Variants in SH3RF3 observed in about 807,000 individuals in gnomAD.
SH3RF3 encodes the protein SH3 domain containing ring finger 3, also known as E3 ubiquitin-protein ligase SH3RF3.
A neutral mutation model predicts 66.3 loss-of-function variants in SH3RF3; 29 were observed. The ratio of observed to expected loss-of-function variants is 0.44; its 90% confidence interval spans 0.33 to 0.60. The LOEUF (loss-of-function observed/expected upper bound fraction) is 0.60. Ranked by LOEUF, SH3RF3 falls within the 20% of genes least tolerant of loss-of-function variation. The pLI is 0.04. For synonymous variants in SH3RF3, 583 were observed against 532.0 expected, an observed-to-expected ratio of 1.10 and a Z score of -1.32; for missense variants, 1,194 against 1,190.9, an observed-to-expected ratio of 1.00 and a Z score of -0.04.
At position 109,502,203 on chromosome 2, in the gene SH3RF3, CGGAAGG is replaced by C. The variant is rs1210556552; in HGVS notation, c.*535_*540del. 6.7e-6 allele frequency: 1 copy of C among 149,462 alleles called. No individual in the cohort carries two copies. Among genetic ancestry groups the C allele is most frequent in the African/African-American group, 2.5e-5 (1 of 40,732 alleles). 9.3% of individuals were successfully genotyped at this position (149,462 alleles called of 1,614,324 possible). The stretch of plus-strand genomic sequence containing the variant: ...TGTTTGTGAGGCCCTGGGGGTGCCC[CGGAAGG>C]GGCACCCCACCGCCCCTGTTGGGAA... On this transcript the variant is annotated 3_prime_UTR_variant, in exon 10 of 10. Transcript: ENST00000309415.
chr2:109,290,979 A>G (rs1681154573), intron 1 of SH3RF3, among the ~76,000 whole-genome samples: 1 of 152,266 alleles, frequency 6.6e-6, no homozygotes, highest in African/African-American at 2.4e-5. Context: ...GGTACATAGT[A>G]GGTGCACATT....
chr2:109,231,375 A>C (rs1160151779), intron 1 of SH3RF3, among the ~76,000 whole-genome samples: 1 of 152,266 alleles, frequency 6.6e-6, no homozygotes, highest in Non-Finnish European at 1.5e-5. Flanking sequence ...TAATGCAGTT[A>C]TCACCACGTT....
At chr2:109,373,393 A>G (rs1683316452) in intron 3 of SH3RF3, among the ~76,000 whole-genome samples, 1 of 152,244 alleles carries the variant, frequency 6.6e-6, no homozygotes, top group Admixed American at 6.5e-5. Context: ...GGCCCTAAAC[A>G]GCATACCACT....
At chr2:109,385,960 A>G (rs916776577) in intron 3 of SH3RF3, among the ~76,000 whole-genome samples, 2 of 152,210 alleles carry the variant, frequency 1.3e-5, no homozygotes, top group African/African-American at 4.8e-5. Context: ...ACCTGTTTTT[A>G]AATATGTCCC....
chr2:109,280,861 C>T (rs1680872081), intron 1 of SH3RF3, among the ~76,000 whole-genome samples: 1 of 152,214 alleles, frequency 6.6e-6, no homozygotes, highest in Non-Finnish European at 1.5e-5. Context: ...CACATTATTG[C>T]ATACCGTGTC....
intron 1 of SH3RF3, among the ~76,000 whole-genome samples, chr2:109,196,199 A>G (rs1574497420): frequency 6.6e-6 from 1 of 152,006 alleles, no homozygotes; most frequent in African/African-American, 2.4e-5. Flanking sequence ...GGCCTTGTCC[A>G]CCCTTGAGGC....
At chr2:109,475,272 C>G (rs568879239) in intron 8 of SH3RF3, among the ~76,000 whole-genome samples, 102 of 152,298 alleles carry the variant, frequency 6.7e-4, no homozygotes, top group African/African-American at 2.4e-3. Context: ...CCACCACGCC[C>G]GGCTTCAGTA....
chr2:109,396,528 A>T (rs1052882672), intron 3 of SH3RF3, among the ~76,000 whole-genome samples: 2 of 152,160 alleles, frequency 1.3e-5, no homozygotes, highest in African/African-American at 4.8e-5. Flanking sequence ...ACCCTTTATC[A>T]TGCCACTTAA....
chr2:109,357,189 G>GTT (rs113404349), intron 2 of SH3RF3, among the ~76,000 whole-genome samples: 1 of 147,150 alleles, frequency 6.8e-6, no homozygotes, highest in African/African-American at 2.5e-5. Context: ...TTGTTTTTTG[G>GTT]TTTTTTTTTT....
chr2:109,468,102 A>G (rs1264984568), intron 8 of SH3RF3, among the ~76,000 whole-genome samples: 1 of 152,272 alleles, frequency 6.6e-6, no homozygotes, highest in Non-Finnish European at 1.5e-5. Flanking sequence ...TGTCACTTAA[A>G]GGGAATACGT....
chr2:109,271,175 A>G (rs1680615265), intron 1 of SH3RF3, among the ~76,000 whole-genome samples: 1 of 152,182 alleles, frequency 6.6e-6, no homozygotes, highest in Non-Finnish European at 1.5e-5. Flanking sequence ...TTCCTGGAGT[A>G]TTTGCTAATG....
intron 5 of SH3RF3, among the ~76,000 whole-genome samples, chr2:109,431,926 A>G (rs186262640): frequency 1.4e-4 from 22 of 152,230 alleles, no homozygotes; most frequent in Admixed American, 1.3e-3. Context: ...GGAAGTGTGC[A>G]ACCACAGTTT....
intron 4 of SH3RF3, among the ~76,000 whole-genome samples, chr2:109,419,236 A>G (rs1005214030): frequency 6.6e-6 from 1 of 152,180 alleles, no homozygotes; most frequent in Non-Finnish European, 1.5e-5. Context: ...TTCAAGGTCT[A>G]AGAATAAAGC....
intron 1 of SH3RF3, among the ~76,000 whole-genome samples, chr2:109,218,493 G>A (rs545491578): frequency 2.0e-5 from 3 of 152,144 alleles, no homozygotes; most frequent in Admixed American, 6.5e-5. Flanking sequence ...TGCTTATTAG[G>A]CAGAAATAGA....
intron 3 of SH3RF3, among the ~76,000 whole-genome samples, chr2:109,388,112 TACGCCTGCCC>T (rs1675874329): frequency 6.6e-6 from 1 of 152,210 alleles, no homozygotes; most frequent in East Asian, 1.9e-4. Context: ...TTCACCATCC[TACGCCTGCCC>T]ACGCCTCTCC....
At chr2:109,452,929 CCCGGGAGGCTGGTG>C (rs1420878836) in intron 8 of SH3RF3, among the ~76,000 whole-genome samples, 3 of 145,740 alleles carry the variant, frequency 2.1e-5, no homozygotes, top group Non-Finnish European at 4.5e-5. Flanking sequence ...GGAGGCTGGT[CCCGGGAGGCTGGTG>C]CCGGGAGGCT....
chr2:109,339,289 G>A (rs1682503060), intron 1 of SH3RF3, among the ~76,000 whole-genome samples: 2 of 151,940 alleles, frequency 1.3e-5, no homozygotes, highest in African/African-American at 2.4e-5. Flanking sequence ...TTGGGGGGGT[G>A]GGGGGTAACA....
intron 1 of SH3RF3, among the ~76,000 whole-genome samples, chr2:109,149,227 G>T (rs6705120): frequency 2.6e-5 from 4 of 151,870 alleles, no homozygotes; most frequent in Admixed American, 2.0e-4. Context: ...GCTTTTATTC[G>T]GACTTCTCTA....
chr2:109,284,875 C>T (rs1421606502), intron 1 of SH3RF3, among the ~76,000 whole-genome samples: 2 of 152,182 alleles, frequency 1.3e-5, no homozygotes, highest in African/African-American at 2.4e-5. Flanking sequence ...TGCTCTTGAA[C>T]GTGCTGACTT....
Sources: allele counts gnomAD v4.1 joint callset (sites outside exome capture counted in the v4.1 genomes callset), GRCh38; gene constraint gnomAD v4.1.1; transcripts MANE v1.5; gene names NCBI Gene and HGNC (gene_info 2026-07-23, HGNC 2026-07-21).